The following MRTFB variants were observed in gnomAD, a reference collection of about 807,000 sequenced individuals.
MRTFB encodes myocardin related transcription factor B.
In MRTFB, 29 loss-of-function variants were observed where a neutral mutation model predicts 104.2. The ratio of observed to expected loss-of-function variants is 0.28; its 90% CI spans 0.21 to 0.38. MRTFB has a LOEUF of 0.38. Among genes scored for constraint, MRTFB ranks in the 10% least tolerant of loss-of-function variants. The pLI is 1.00. For synonymous variants in MRTFB, 535 were observed against 519.5 expected (o/e 1.03, Z -0.41); for missense variants, 1,270 against 1,341.6 (o/e 0.95, Z 0.83).
At chr16:14,072,425 G>C (rs569627669) in intron 1 of MRTFB, among the ~76,000 whole-genome samples, 2 of 152,282 alleles carry the variant, frequency 1.3e-5, no homozygotes, top group East Asian at 1.9e-4. Flanking sequence ...GCTTGTGCCA[G>C]CTTCTAATGA....
chr16:14,210,132 T>C (rs1276239079), intron 3 of MRTFB, 111 bp from the exon 4 acceptor site: 6 of 713,310 alleles, frequency 8.4e-6, no homozygotes. Flanking sequence ...TTCTTTTTAA[T>C]TGTGAAATAG....
At chr16:14,112,152 T>G (rs2036303015) in intron 2 of MRTFB, among the ~76,000 whole-genome samples, 1 of 152,054 alleles carries the variant, frequency 6.6e-6, no homozygotes, top group Admixed American at 6.5e-5. Flanking sequence ...TGAGTGACCC[T>G]GAAGCAGAAA....
the MRTFB span, among the ~76,000 whole-genome samples, chr16:14,017,717 T>A: frequency 9.6e-3 from 192 of 20,082 alleles, 14 homozygotes; most frequent in South Asian, 0.043. Flanking sequence ...ATATATTTTT[T>A]TTTTTTTTTT....
intron 3 of MRTFB, chr16:14,186,636 A>G: frequency 5.2e-6 from 6 of 1,145,900 alleles, no homozygotes; most frequent in African/African-American, 3.3e-5. Context: ...GGCTGGGAAA[A>G]GGGGTGGGAT....
chr16:14,147,850 C>T (rs146667085), intron 3 of MRTFB, among the ~76,000 whole-genome samples: 4 of 152,264 alleles, frequency 2.6e-5, no homozygotes, highest in African/African-American at 9.6e-5. Context: ...TCATAATTAA[C>T]ACATTTATTA....
chr16:14,043,291 C>T, the MRTFB span, among the ~76,000 whole-genome samples: 1 of 152,088 alleles, frequency 6.6e-6, no homozygotes, highest in Non-Finnish European at 1.5e-5. Flanking sequence ...TTCTTTCTGC[C>T]AGAAGCATCA....
chr16:14,060,748 A>T, the MRTFB span, among the ~76,000 whole-genome samples: 1 of 152,136 alleles, frequency 6.6e-6, no homozygotes, highest in Non-Finnish European at 1.5e-5. Flanking sequence ...GAAACACAGC[A>T]GAAATATGTT....
the MRTFB span, among the ~76,000 whole-genome samples, chr16:14,045,215 T>G: frequency 6.6e-6 from 1 of 152,208 alleles, no homozygotes; most frequent in African/African-American, 2.4e-5. Context: ...GCCCTCCCTC[T>G]GCCTAACTCT....
the MRTFB span, among the ~76,000 whole-genome samples, chr16:14,060,718 T>G: frequency 1.3e-5 from 2 of 152,046 alleles, no homozygotes; most frequent in African/African-American, 4.8e-5. Flanking sequence ...GAGCTTTTTC[T>G]CTTATCCAGG....
intron 2 of MRTFB, among the ~76,000 whole-genome samples, chr16:14,114,303 A>T (rs551578267): frequency 3.3e-5 from 5 of 152,224 alleles, no homozygotes; most frequent in Non-Finnish European, 7.3e-5. Context: ...TAAATGTTCT[A>T]AATGTTTCAG....
the MRTFB span, among the ~76,000 whole-genome samples, chr16:14,010,359 C>T: frequency 6.6e-6 from 1 of 152,178 alleles, no homozygotes; most frequent in African/African-American, 2.4e-5. Flanking sequence ...CTCTGTCACC[C>T]AGGCTGGGGT....
intron 3 of MRTFB, among the ~76,000 whole-genome samples, chr16:14,203,187 A>G (rs1461958561): frequency 2.0e-5 from 3 of 150,752 alleles, no homozygotes; most frequent in Non-Finnish European, 1.5e-5. Context: ...TATTCTGTCC[A>G]TTGTCCTGTA....
chr16:14,210,173 C>T (rs1252567674), intron 3 of MRTFB, 70 bp from the exon 4 acceptor site: 8 of 1,223,058 alleles, frequency 6.5e-6, no homozygotes, highest in Non-Finnish European at 9.6e-6. Context: ...ATTGCATCTC[C>T]TCTGGAATCA....
At chr16:14,025,007 T>G in the MRTFB span, among the ~76,000 whole-genome samples, 1 of 152,188 alleles carries the variant, frequency 6.6e-6, no homozygotes, top group Admixed American at 6.5e-5. Context: ...TAGCTTTTCC[T>G]TTTTTTGTAA....
chr16:14,168,825 G>C (rs1409962204), intron 3 of MRTFB, among the ~76,000 whole-genome samples: 1 of 152,186 alleles, frequency 6.6e-6, no homozygotes, highest in Non-Finnish European at 1.5e-5. Flanking sequence ...ATAAATGTAT[G>C]AGAGTTCCAG....
At chr16:14,218,049 G>A (rs894246374) in intron 7 of MRTFB, among the ~76,000 whole-genome samples, 4 of 151,898 alleles carry the variant, frequency 2.6e-5, no homozygotes, top group Admixed American at 2.6e-4. Flanking sequence ...TCCTTGTCAC[G>A]TTTTTTTGTT....
intron 3 of MRTFB, among the ~76,000 whole-genome samples, chr16:14,184,032 T>C (rs1308700577): frequency 6.9e-6 from 1 of 145,138 alleles, no homozygotes; most frequent in Non-Finnish European, 1.5e-5. Context: ...CTAAAAACAG[T>C]TGGGCATTTT....
intron 3 of MRTFB, among the ~76,000 whole-genome samples, chr16:14,163,350 A>T (rs534555157): frequency 2.0e-5 from 3 of 152,270 alleles, no homozygotes; most frequent in African/African-American, 7.2e-5. Context: ...TTGTGGGGAG[A>T]TCAAGTCATT....
upstream of MRTFB, chr16:14,071,177 C>CG (rs1156558511): frequency 6.5e-6 from 1 of 152,712 alleles, no homozygotes; most frequent in African/African-American, 2.4e-5. Context: ...GGGACGGAGT[C>CG]GGGGGCGAGC....
Sources: gnomAD v4.1 joint callset for allele counts (sites outside exome capture counted in the v4.1 genomes callset) on GRCh38, gnomAD v4.1.1 for gene constraint, MANE v1.5 for transcripts, NCBI Gene and HGNC (gene_info 2026-07-23, HGNC 2026-07-21) for gene names.